The following MFHAS1 variants were observed in gnomAD, a reference collection of about 807,000 sequenced individuals.
MFHAS1 encodes the protein multifunctional ROCO family signaling regulator 1.
A neutral mutation model predicts 70.4 loss-of-function variants in MFHAS1; 50 were observed. The observed-to-expected ratio is 0.71, with a 90% CI of 0.57 to 0.90. The LOEUF is 0.90. Ranked by LOEUF, MFHAS1 falls within the 40% of genes least tolerant of loss-of-function variation. The pLI is 0.00. For missense variants in MFHAS1, 1,795 were observed against 1,347.6 expected, an observed-to-expected ratio of 1.33 and a Z score of -5.20; for synonymous variants, 952 against 620.0, an observed-to-expected ratio of 1.54 and a Z score of -7.96.
At chr8:8,847,638 C>A (rs1808085038) in intron 1 of MFHAS1, among the ~76,000 whole-genome samples, 1 of 152,188 alleles carries the variant, frequency 6.6e-6, no homozygotes, top group Admixed American at 6.5e-5. Flanking sequence ...TTGTCATTTA[C>A]TAACTACCTG....
chr8:8,847,391 A>C (rs112425115), intron 1 of MFHAS1, among the ~76,000 whole-genome samples: 301 of 152,330 alleles, frequency 2.0e-3, no homozygotes, highest in Non-Finnish European at 3.5e-3. Context: ...CATGTTGGCC[A>C]GGCTGGTCTC....
chr8:8,819,608 C>CAAAAA (rs201326485), intron 1 of MFHAS1, among the ~76,000 whole-genome samples: 15 of 91,238 alleles, frequency 1.6e-4, no homozygotes, highest in East Asian at 2.9e-4. Context: ...CAACTCAAAA[C>CAAAAA]AAAAAAAAAA....
chr8:8,853,082 C>G (rs1808305802), intron 1 of MFHAS1, among the ~76,000 whole-genome samples: 4 of 152,152 alleles, frequency 2.6e-5, no homozygotes, highest in African/African-American at 7.2e-5. Flanking sequence ...TGTGTCTGCT[C>G]TCAAGACCCC....
chr8:8,884,549 G>A (rs967063476), intron 1 of MFHAS1, among the ~76,000 whole-genome samples: 9 of 152,168 alleles, frequency 5.9e-5, no homozygotes, highest in African/African-American at 1.4e-4. Flanking sequence ...AGTCATAGAC[G>A]CACAATGGGA....
chr8:8,886,947 G>A (rs961984480), intron 1 of MFHAS1, among the ~76,000 whole-genome samples: 38 of 152,076 alleles, frequency 2.5e-4, no homozygotes, highest in Non-Finnish European at 4.1e-4. Context: ...CCAACCTGGC[G>A]AAACCCCCGC....
Position 8,785,732 on chromosome 8 carries a change from T to C in MFHAS1, c.*290A>G, listed in dbSNP as rs962198947. On this transcript the variant is annotated 3_prime_UTR_variant, in exon 3 of 3. Coordinates refer to ENST00000276282, the MANE Select transcript of MFHAS1 (RefSeq NM_004225.3). ...GGAAAACAAAATCCCTGAGAAGCCA[T>C]TCGACTTTTTTTTTTTTTTTTTCTT... The C allele has an allele frequency of 3.8e-5, 14 of 371,122 alleles. No homozygotes were observed. The highest frequency in any genetic ancestry group is 6.2e-5 in the Non-Finnish European group (13 of 209,830). 23.0% of individuals were successfully genotyped at this position (371,122 alleles called of 1,614,324 possible). A position where few individuals can be genotyped will look rare whatever the true frequency, so the allele number is the denominator to read the frequency against.
At chr8:8,880,035 G>A (rs1376348500) in intron 1 of MFHAS1, among the ~76,000 whole-genome samples, 3 of 152,098 alleles carry the variant, frequency 2.0e-5, no homozygotes, top group African/African-American at 4.8e-5. Flanking sequence ...TGTTCTTTAC[G>A]GAGCTCGTGT....
At chr8:8,851,429 A>G (rs185502603) in intron 1 of MFHAS1, among the ~76,000 whole-genome samples, 17 of 152,208 alleles carry the variant, frequency 1.1e-4, no homozygotes, top group Non-Finnish European at 2.4e-4. Context: ...GGACAGGTTC[A>G]GGGAAATACT....
intron 1 of MFHAS1, among the ~76,000 whole-genome samples, chr8:8,854,783 G>A (rs908112706): frequency 4.6e-5 from 7 of 152,172 alleles, no homozygotes; most frequent in African/African-American, 9.7e-5. Context: ...TTGCTTACGT[G>A]AAATTCAGAT....
chr8:8,893,600 C>G lies in MFHAS1; in HGVS notation c.-542G>C, dbSNP rs1418255442. 4.1e-5 allele frequency: 6 copies of G among 146,508 alleles called. No individual in the cohort carries two copies. Among genetic ancestry groups the G allele is most frequent in the Admixed American group, 6.8e-5 (1 of 14,788 alleles). 9.1% of individuals were successfully genotyped at this position (146,508 alleles called of 1,614,324 possible). Reference sequence around the variant, plus strand: ...GGCGGGAGCGCGGGCGCCGCGTCCCCGGCGCTGGGAGGGCGCGATTGGGAA... The same window carrying G: ...GGCGGGAGCGCGGGCGCCGCGTCCCGGGCGCTGGGAGGGCGCGATTGGGAA... On this transcript the variant is annotated 5_prime_UTR_variant, in exon 1 of 3. Coordinates refer to ENST00000276282, the MANE Select transcript of MFHAS1 (RefSeq NM_004225.3).
intron 1 of MFHAS1, among the ~76,000 whole-genome samples, chr8:8,805,172 C>A (rs1369784435): frequency 6.6e-6 from 1 of 152,156 alleles, no homozygotes; most frequent in African/African-American, 2.4e-5. Flanking sequence ...AAAACTGCTA[C>A]TATTTTTCAA....
intron 1 of MFHAS1, among the ~76,000 whole-genome samples, chr8:8,814,192 C>G (rs1320052171): frequency 6.6e-6 from 1 of 152,188 alleles, no homozygotes; most frequent in African/African-American, 2.4e-5. Context: ...CCCACCTCAG[C>G]CTCCCACAGT....
chr8:8,793,258 A>C (rs2117249939), intron 2 of MFHAS1, among the ~76,000 whole-genome samples: 1 of 152,374 alleles, frequency 6.6e-6, no homozygotes, highest in African/African-American at 2.4e-5. Context: ...TGTTTAAAAT[A>C]AGAAATAGAA....
intron 1 of MFHAS1, among the ~76,000 whole-genome samples, chr8:8,837,783 A>G (rs1026867406): frequency 1.3e-5 from 2 of 152,198 alleles, no homozygotes; most frequent in African/African-American, 4.8e-5. Flanking sequence ...AACAAGTGTT[A>G]GCTAGGATGT....
chr8:8,809,473 C>G (rs1025234577), intron 1 of MFHAS1, among the ~76,000 whole-genome samples: 1 of 152,148 alleles, frequency 6.6e-6, no homozygotes, highest in Non-Finnish European at 1.5e-5. Context: ...CTCACTGACC[C>G]TAAAAAGGTC....
Position 8,892,246 on chromosome 8 carries a change from G to T in MFHAS1, c.813C>A (p.Cys271Ter). 6.2e-7 allele frequency: 1 copy of T among 1,611,902 alleles called. No homozygotes were observed. The change falls in exon 1 of 3, where the codon TGC becomes TGA. Residue 271 changes from cysteine (C) to a stop codon, truncating the protein, a stop_gained. Coordinates refer to ENST00000276282, the MANE Select transcript of MFHAS1 (RefSeq NM_004225.3). LOFTEE classifies it high-confidence loss of function. The surrounding 1 kb of genome is among the most constrained non-coding windows in gnomAD (Gnocchi z 4.7). Reference protein sequence around the residue: ...GLQALPAQFSCLQRLKMLNLS... With the variant: ...GLQALPAQFS ...GGTTGAGCATTTTGAGCCGCTGCAG[G>T]CAGCTGAACTGGGCGGGCAGAGCCT...
intron 2 of MFHAS1, among the ~76,000 whole-genome samples, chr8:8,796,631 C>G (rs1175546753): frequency 7.1e-6 from 1 of 141,688 alleles, no homozygotes. Flanking sequence ...TTGCAGTGAG[C>G]CAAGATGGCG....
chr8:8,868,301 T>C (rs1808938063), intron 1 of MFHAS1, among the ~76,000 whole-genome samples: 1 of 151,688 alleles, frequency 6.6e-6, no homozygotes, highest in African/African-American at 2.4e-5. Context: ...AGCACTGTGT[T>C]GTATCTTTCG....
chr8:8,818,448 G>C (rs1806826221), intron 1 of MFHAS1, among the ~76,000 whole-genome samples: 1 of 152,168 alleles, frequency 6.6e-6, no homozygotes, highest in South Asian at 2.1e-4. Context: ...AGAAGGAGAA[G>C]GACTGTAAAA....
Sources: allele counts gnomAD v4.1 joint callset (sites outside exome capture counted in the v4.1 genomes callset), GRCh38; gene constraint gnomAD v4.1.1; non-coding constraint Gnocchi (gnomAD v3.1); transcripts MANE v1.5; gene names NCBI Gene and HGNC (gene_info 2026-07-23, HGNC 2026-07-21).